PCDH15: variants seen among roughly 807,000 people sequenced by gnomAD.
PCDH15 encodes the protein protocadherin related 15, also known as protocadherin-15.
Under a neutral mutation model 178.5 loss-of-function variants are expected in PCDH15, and 129 were observed. The ratio of observed to expected loss-of-function variants is 0.72; its 90% confidence interval spans 0.63 to 0.84. PCDH15 has a LOEUF of 0.84. Among genes scored for constraint, PCDH15 ranks in the 40% least tolerant of loss-of-function variants. The pLI is 0.00. For missense variants in PCDH15, 2,230 were observed against 2,099.9 expected (o/e 1.06, Z -1.21); for synonymous variants, 800 against 732.0 (o/e 1.09, Z -1.50).
In PCDH15 at chr10:54,067,032, T is replaced by TA. The variant is rs2094148334; in HGVS notation, c.2092-148dup. ...TTTCCAAAAAATAAAAATAAAAAAA[T>TA]AAAAAAATTAAAAAAAAGAAGCTTG... On this transcript the variant is annotated intron_variant, in intron 17 of 37. Coordinates refer to ENST00000644397, the MANE Select transcript of PCDH15 (RefSeq NM_001384140.1). The TA allele has an allele frequency of 1.1e-5, 7 of 652,558 alleles. No individual in the cohort carries two copies. In the East Asian group the frequency reaches 1.7e-4, roughly 16 times the overall value. 40.4% of individuals were successfully genotyped at this position (652,558 alleles called of 1,614,324 possible).
chr10:54,192,894 C>T (rs1375538111), intron 11 of PCDH15, among the ~76,000 whole-genome samples: 1 of 152,102 alleles, frequency 6.6e-6, no homozygotes, highest in African/African-American at 2.4e-5. Flanking sequence ...TCCTACCAGT[C>T]CCAACTAAAG....
intron 1 of PCDH15, among the ~76,000 whole-genome samples, chr10:54,727,241 A>C (rs1942690733): frequency 6.6e-6 from 1 of 151,504 alleles, no homozygotes; most frequent in African/African-American, 2.4e-5. Flanking sequence ...ACACAAAATC[A>C]TATCAACCAC....
At chr10:55,261,942 T>C (rs1003340418) in intron 1 of PCDH15, among the ~76,000 whole-genome samples, 2 of 148,028 alleles carry the variant, frequency 1.4e-5, no homozygotes, top group Admixed American at 6.8e-5. Flanking sequence ...ATAACAAATA[T>C]GGAAAGCCTC....
At chr10:54,350,595 G>A (rs182348939) in intron 5 of PCDH15, among the ~76,000 whole-genome samples, 80 of 152,316 alleles carry the variant, frequency 5.3e-4, no homozygotes, top group African/African-American at 1.9e-3. Flanking sequence ...AAACATGGGA[G>A]GTCTGAAAAG....
At chr10:55,105,306 A>T (rs533618628) in intron 2 of PCDH15, among the ~76,000 whole-genome samples, 1 of 152,216 alleles carries the variant, frequency 6.6e-6, no homozygotes, top group Non-Finnish European at 1.5e-5. Context: ...AATTGTTGTA[A>T]ATCTCCAAAA....
chr10:53,817,067 C>T (rs1282077957), intron 34 of PCDH15, among the ~76,000 whole-genome samples: 1 of 152,138 alleles, frequency 6.6e-6, no homozygotes, highest in Non-Finnish European at 1.5e-5. Context: ...TAGTGAGGTT[C>T]TGGGAGGTAA....
At chr10:55,080,622 T>A (rs990963718) in intron 2 of PCDH15, among the ~76,000 whole-genome samples, 1 of 152,010 alleles carries the variant, frequency 6.6e-6, no homozygotes, top group East Asian at 1.9e-4. Flanking sequence ...CCAGGAGGGA[T>A]CTCGTCCTTT....
intron 2 of PCDH15, among the ~76,000 whole-genome samples, chr10:55,500,688 T>A (rs557624319): frequency 6.6e-6 from 1 of 151,900 alleles, no homozygotes; most frequent in African/African-American, 2.4e-5. Context: ...CAGAAATCTG[T>A]GTCTACACTA....
chr10:54,219,512 G>A (rs71490999), intron 9 of PCDH15, among the ~76,000 whole-genome samples: 8 of 143,608 alleles, frequency 5.6e-5, no homozygotes, highest in East Asian at 2.1e-4. Context: ...AGAATGGTGC[G>A]AACCTGGGAG....
At chr10:54,634,630 GA>G (rs1037824473) in intron 2 of PCDH15, among the ~76,000 whole-genome samples, 2 of 151,916 alleles carry the variant, frequency 1.3e-5, no homozygotes, top group African/African-American at 4.8e-5. Flanking sequence ...TCAACAAAAG[GA>G]AAAGAGACTG....
intron 1 of PCDH15, among the ~76,000 whole-genome samples, chr10:55,265,196 T>A (rs1466100139): frequency 6.6e-6 from 1 of 151,974 alleles, no homozygotes; most frequent in Non-Finnish European, 1.5e-5. Flanking sequence ...AAGTTCCAGG[T>A]CCTCTTCTCC....
chr10:54,234,837 C>T (rs1246790076), intron 9 of PCDH15, among the ~76,000 whole-genome samples: 2 of 152,180 alleles, frequency 1.3e-5, no homozygotes, highest in Non-Finnish European at 2.9e-5. Context: ...AACTTTCCAT[C>T]ACTGTGTCAC....
rs869240598 is a variant in PCDH15 at position 55,350,228 on chromosome 10, CATATATATATATATATATATAT to C, written c.-155-183599_-155-183578del. Among the ~76,000 whole-genome samples, 96 of 73,440 alleles carry C rather than the reference CATATATATATATATATATATAT, an allele frequency of 1.3e-3. 2 individuals carry two copies. The highest frequency in any genetic ancestry group is 3.2e-4 in the Non-Finnish European group (11 of 34,042). 48.2% of individuals were successfully genotyped at this position (73,440 alleles called of 152,430 possible). A position where few individuals can be genotyped will look rare whatever the true frequency, so the allele number is the denominator to read the frequency against. ...GGTGAATATATACCATATATAAACT[CATATATATATATATATATATAT>C]ATATATATATATATATATACACACA... On this transcript the variant is annotated intron_variant, in intron 2 of 5. Transcript: ENST00000613346.
At chr10:54,295,355 G>A (rs553791514) in intron 8 of PCDH15, among the ~76,000 whole-genome samples, 154 of 152,318 alleles carry the variant, frequency 1.0e-3, no homozygotes, top group African/African-American at 3.6e-3. Context: ...AGCAGGATGT[G>A]GGCGGGGCCA....
chr10:54,811,826 G>GT (rs1350979732), intron 3 of PCDH15, among the ~76,000 whole-genome samples: 18 of 152,132 alleles, frequency 1.2e-4, no homozygotes, highest in Admixed American at 3.3e-4. Flanking sequence ...AATCATCTCA[G>GT]TAAATGTAAC....
chr10:54,605,808 G>T (rs2092716798), intron 2 of PCDH15: 2 of 151,964 alleles, frequency 1.3e-5, no homozygotes, highest in African/African-American at 4.8e-5. Context: ...TTTGATCTCT[G>T]TAGCCTCCAT....
chr10:55,442,556 A>T (rs895967794), intron 2 of PCDH15, among the ~76,000 whole-genome samples: 1 of 147,914 alleles, frequency 6.8e-6, no homozygotes, highest in African/African-American at 2.5e-5. Context: ...TATCTGTGAC[A>T]AATTAATTAT....
intron 2 of PCDH15, among the ~76,000 whole-genome samples, chr10:54,988,627 T>C (rs1402090730): frequency 1.3e-5 from 2 of 152,306 alleles, no homozygotes; most frequent in African/African-American, 4.8e-5. Flanking sequence ...TGTGGAATTT[T>C]GAACTTCAGA....
chr10:54,066,678 T>G, intron 18 of PCDH15, 79 bp downstream of exon 18: 1 of 1,448,088 alleles, frequency 6.9e-7, no homozygotes, highest in Non-Finnish European at 9.6e-7. Context: ...TTAGCTGAGT[T>G]TCTTTTGAGA....
Sources: allele counts gnomAD v4.1 joint callset (sites outside exome capture counted in the v4.1 genomes callset), GRCh38; gene constraint gnomAD v4.1.1; transcripts MANE v1.5; gene names NCBI Gene and HGNC (gene_info 2026-07-23, HGNC 2026-07-21).